Variants in CD38 observed in about 807,000 individuals in gnomAD.
The protein encoded by CD38 is CD38 molecule.
CD38 carries 31 observed loss-of-function variants against 36.3 expected under a neutral mutation model. The observed-to-expected ratio is 0.85, with a 90% confidence interval of 0.64 to 1.15. The LOEUF (loss-of-function observed/expected upper bound fraction) is 1.15. Among genes scored for constraint, CD38 ranks in the 50% most tolerant of loss-of-function variants. CD38 has a pLI of 0.00. For missense variants in CD38, 380 were observed against 371.9 expected (o/e 1.02, Z -0.18); for synonymous variants, 131 against 135.2 (o/e 0.97, Z 0.22).
intron 1 of CD38, among the ~76,000 whole-genome samples, chr4:15,805,630 T>C (rs950644770): frequency 5.3e-5 from 8 of 152,252 alleles, no homozygotes; most frequent in Admixed American, 5.2e-4. Flanking sequence ...CCCTAAGTGC[T>C]CACAAGTGTT....
rs1229720512 is a variant in CD38, at chr4:15,845,963, G to A, written c.840-2576G>A. On this transcript the variant is annotated intron_variant, in intron 7 of 7. Transcript: ENST00000226279. ...CTCATGGGTAGGAAGAATCAATATC[G>A]TGAAAATGGCCATACTGCCCAAGGT... Among the ~76,000 whole-genome samples, 10 of 103,162 alleles carry A rather than the reference G, an allele frequency of 9.7e-5. 3 individuals are homozygous for A. Among genetic ancestry groups the A allele is most frequent in the African/African-American group, 5.9e-4 (10 of 16,972 alleles). The allele number at this position is 103,162 out of a possible 152,430, so 67.7% of individuals were successfully genotyped here.
chr4:15,810,027 A>G (rs1022033116), intron 1 of CD38, among the ~76,000 whole-genome samples: 15 of 152,228 alleles, frequency 9.9e-5, no homozygotes, highest in African/African-American at 2.6e-4. Flanking sequence ...CATTTTCTCT[A>G]ATTTGTAGGG....
intron 1 of CD38, among the ~76,000 whole-genome samples, chr4:15,792,715 A>G (rs980649027): frequency 6.6e-6 from 1 of 152,210 alleles, no homozygotes; most frequent in Non-Finnish European, 1.5e-5. Context: ...CTGTATCTCT[A>G]AATCTTTCAG....
chr4:15,803,584 G>A (rs984914952), intron 1 of CD38, among the ~76,000 whole-genome samples: 5 of 152,036 alleles, frequency 3.3e-5, no homozygotes, highest in African/African-American at 7.2e-5. Context: ...ATTATCTCAC[G>A]CCAGCTAGAA....
rs1185491470 is a variant in CD38 at position 15,778,600 on chromosome 4, C to G, written c.186C>G (p.Thr62=). The G allele has an allele frequency of 1.2e-6, 2 of 1,613,744 alleles. No homozygotes were observed. Among genetic ancestry groups the G allele is most frequent in the Non-Finnish European group, 1.7e-6 (2 of 1,179,972 alleles). The change falls in exon 1 of 8, where the codon ACC becomes ACG. Residue 62 remains threonine, a synonymous_variant. Transcript: ENST00000226279. The surrounding 1 kb of genome is among the most constrained non-coding windows in gnomAD (Gnocchi z 4.9). Reference sequence around the variant, plus strand: ...GCACCACCAAGCGCTTTCCCGAGACCGTCCTGGCGCGATGCGTCAAGTACA... The same window carrying G: ...GCACCACCAAGCGCTTTCCCGAGACGGTCCTGGCGCGATGCGTCAAGTACA... ...GPGTTKRFPE[T]VLARCVKYTE... is the part of the protein sequence containing the mutation.
At chr4:15,792,937 A>C (rs932921694) in intron 1 of CD38, among the ~76,000 whole-genome samples, 1 of 152,232 alleles carries the variant, frequency 6.6e-6, no homozygotes, top group African/African-American at 2.4e-5. Flanking sequence ...TTTAATTTAC[A>C]ACCATTTCCC....
chr4:15,817,441 A>G (rs1254384023), intron 2 of CD38, among the ~76,000 whole-genome samples: 1 of 152,218 alleles, frequency 6.6e-6, no homozygotes, highest in Non-Finnish European at 1.5e-5. Context: ...TTCTCCATTC[A>G]CTAGGCGTGA....
At chr4:15,848,488 A>G (rs1466387372) in intron 7 of CD38, 51 bp from the exon 8 acceptor site, 1 of 1,415,390 alleles carries the variant, frequency 7.1e-7, no homozygotes, top group Admixed American at 1.7e-5. Context: ...GAATTGGACG[A>G]CAGATGTATC....
chr4:15,829,666 C>T (rs778110841), intron 3 of CD38, among the ~76,000 whole-genome samples: 4 of 152,180 alleles, frequency 2.6e-5, no homozygotes, highest in Non-Finnish European at 5.9e-5. Flanking sequence ...AGTCACCATA[C>T]TGTGCTATCA....
intron 1 of CD38, among the ~76,000 whole-genome samples, chr4:15,814,417 T>G (rs1355992263): frequency 6.6e-6 from 1 of 152,246 alleles, no homozygotes; most frequent in Admixed American, 6.5e-5. Flanking sequence ...GGTAGTTTCT[T>G]TTGGTGTGCA....
chr4:15,834,469 C>T (rs1317810055), intron 4 of CD38, among the ~76,000 whole-genome samples, 167 bp downstream of exon 4: 1 of 152,178 alleles, frequency 6.6e-6, no homozygotes, highest in African/African-American at 2.4e-5. Context: ...AGAAAATTTA[C>T]ACATCCAATT....
intron 1 of CD38, among the ~76,000 whole-genome samples, chr4:15,799,292 C>G (rs571613844): frequency 1.3e-5 from 2 of 152,228 alleles, no homozygotes; most frequent in Admixed American, 1.3e-4. Flanking sequence ...TTTTCTGATG[C>G]CACTTCTGTT....
At chr4:15,794,736 G>T (rs1723073561) in intron 1 of CD38, among the ~76,000 whole-genome samples, 1 of 152,148 alleles carries the variant, frequency 6.6e-6, no homozygotes. Context: ...TGAAGTAGTG[G>T]CTGGATGTTT....
intron 4 of CD38, among the ~76,000 whole-genome samples, chr4:15,836,015 T>G (rs72616191): frequency 0.059 from 8,942 of 152,218 alleles, 357 homozygotes; most frequent in East Asian, 0.18. Context: ...GAAAAAGGTG[T>G]GAGTAACAAT....
At chr4:15,815,407 A>T (rs1229903155) in intron 1 of CD38, among the ~76,000 whole-genome samples, 2 of 151,874 alleles carry the variant, frequency 1.3e-5, no homozygotes, top group East Asian at 1.9e-4. Flanking sequence ...TGAGCATGGA[A>T]TTTTTTCTAT....
chr4:15,795,132 G>T (rs758078932), intron 1 of CD38, among the ~76,000 whole-genome samples: 2 of 152,114 alleles, frequency 1.3e-5, no homozygotes, highest in Non-Finnish European at 2.9e-5. Flanking sequence ...CAGTTTTCTT[G>T]AATAAGGGGG....
chr4:15,780,571 C>T (rs1348881485), intron 1 of CD38, among the ~76,000 whole-genome samples: 1 of 150,354 alleles, frequency 6.7e-6, no homozygotes, highest in East Asian at 2.0e-4. Context: ...CACACACATA[C>T]AGTCTTACAG....
rs531245762 is a variant in CD38 at position 15,824,824 on chromosome 4, A to T, written c.364-57A>T. ...TTTTCATTTACAAAACTGTGGATTA[A>T]TTTTTTTTGACATGCTAAATTGATC... On this transcript the variant is annotated intron_variant, in intron 2 of 7. Coordinates refer to ENST00000226279, the MANE Select transcript of CD38 (RefSeq NM_001775.4). 4.7e-5 allele frequency: 66 copies of T among 1,417,044 alleles called. No homozygotes were observed. In the African/African-American group the frequency reaches 7.6e-4, roughly 16 times the overall value. The allele number at this position is 1,417,044 out of a possible 1,614,324, so 87.8% of individuals were successfully genotyped here. A position where few individuals can be genotyped will look rare whatever the true frequency, so the allele number is the denominator to read the frequency against.
chr4:15,795,614 T>C (rs1348992005), intron 1 of CD38, among the ~76,000 whole-genome samples: 1 of 151,960 alleles, frequency 6.6e-6, no homozygotes, highest in South Asian at 2.1e-4. Flanking sequence ...TTTAAAAAAA[T>C]AAATAAGGAG....
Sources: gnomAD v4.1 joint callset for allele counts (sites outside exome capture counted in the v4.1 genomes callset) on GRCh38, gnomAD v4.1.1 for gene constraint, Gnocchi (gnomAD v3.1) non-coding constraint, MANE v1.5 for transcripts, NCBI Gene and HGNC (gene_info 2026-07-23, HGNC 2026-07-21) for gene names.